PCDH15: variants seen among roughly 807,000 people sequenced by gnomAD.
PCDH15 encodes the protein protocadherin-15.
In PCDH15, 129 loss-of-function variants were observed where a neutral mutation model predicts 178.5. The observed-to-expected ratio is 0.72, with a 90% CI of 0.63 to 0.84. The LOEUF is 0.84. Ranked by LOEUF, PCDH15 falls within the 40% of genes least tolerant of loss-of-function variation. The pLI is 0.00. For synonymous variants in PCDH15, 800 were observed against 732.0 expected (o/e 1.09, Z -1.50); for missense variants, 2,230 against 2,099.9 (o/e 1.06, Z -1.21).
chr10:53,837,758 C>T (rs1188879121), intron 29 of PCDH15, among the ~76,000 whole-genome samples: 1 of 151,800 alleles, frequency 6.6e-6, no homozygotes, highest in East Asian at 1.9e-4. Context: ...AAAACACACA[C>T]ACACACACAC....
intron 3 of PCDH15, among the ~76,000 whole-genome samples, chr10:54,883,571 C>T (rs1179783495): frequency 6.6e-6 from 1 of 151,756 alleles, no homozygotes; most frequent in Admixed American, 6.6e-5. Flanking sequence ...AACAATTCAC[C>T]TTCATATTTA....
chr10:54,336,690 G>A (rs1023387214), intron 6 of PCDH15, among the ~76,000 whole-genome samples: 3 of 152,200 alleles, frequency 2.0e-5, no homozygotes, highest in African/African-American at 7.2e-5. Flanking sequence ...TTTGCTGAAG[G>A]GGCAGGGCCC....
intron 26 of PCDH15, among the ~76,000 whole-genome samples, chr10:53,889,192 C>T (rs35182870): frequency 0.085 from 12,912 of 151,782 alleles, 601 homozygotes; most frequent in East Asian, 0.13. Flanking sequence ...CAAAAAGTTG[C>T]TCAACATGAA....
chr10:54,708,512 T>G (rs1321052479), intron 1 of PCDH15, among the ~76,000 whole-genome samples: 1 of 152,192 alleles, frequency 6.6e-6, no homozygotes, highest in Non-Finnish European at 1.5e-5. Context: ...TGATTAGACA[T>G]TATATTACAT....
At chr10:54,092,668 C>T (rs1009686341) in intron 15 of PCDH15, among the ~76,000 whole-genome samples, 5 of 151,942 alleles carry the variant, frequency 3.3e-5, no homozygotes, top group South Asian at 2.1e-4. Flanking sequence ...GGATAGTAGA[C>T]GCTTGATATT....
Position 54,776,201 on chromosome 10 carries a change from C to A in PCDH15, c.-29+24724G>T, listed in dbSNP as rs571477712. Among the ~76,000 whole-genome samples the A allele has an allele frequency of 3.7e-3, 557 of 152,200 alleles. 2 individuals carry two copies. The highest frequency in any genetic ancestry group is 0.013 in the African/African-American group (534 of 41,532). ...ATAGACATTTAGGTTGATTCCATACCATGACAATCACGAATAGTGCTGCAA... is the reference window on the plus strand; with the variant it reads ...ATAGACATTTAGGTTGATTCCATACAATGACAATCACGAATAGTGCTGCAA... On this transcript the variant is annotated intron_variant, in intron 1 of 37. Transcript: ENST00000644397.
chr10:55,303,390 G>A (rs896755241), intron 1 of PCDH15, among the ~76,000 whole-genome samples: 1 of 152,228 alleles, frequency 6.6e-6, no homozygotes, highest in South Asian at 2.1e-4. Context: ...ACTAAGAGAT[G>A]CCCTAAGTTA....
At chr10:55,531,316 T>C (rs1411871057) in intron 2 of PCDH15, among the ~76,000 whole-genome samples, 1 of 151,982 alleles carries the variant, frequency 6.6e-6, no homozygotes, top group Non-Finnish European at 1.5e-5. Context: ...ATCTATCTTA[T>C]ATCAAATCTA....
At chr10:55,218,491 T>A (rs1279210820) in intron 1 of PCDH15, among the ~76,000 whole-genome samples, 1 of 152,020 alleles carries the variant, frequency 6.6e-6, no homozygotes. Flanking sequence ...GCTCTTGCCT[T>A]TGGTCTGGAG....
intron 10 of PCDH15, among the ~76,000 whole-genome samples, chr10:54,200,829 T>G (rs1013528070): frequency 1.3e-5 from 2 of 152,172 alleles, no homozygotes; most frequent in Non-Finnish European, 2.9e-5. Flanking sequence ...TTATTCATCT[T>G]TTCTTTATAC....
intron 8 of PCDH15, among the ~76,000 whole-genome samples, chr10:54,294,307 C>T (rs371409782): frequency 3.0e-4 from 45 of 150,698 alleles, no homozygotes; most frequent in African/African-American, 1.0e-3. Flanking sequence ...CACACTGGGG[C>T]CTGTCAGAGG....
chr10:54,562,725 C>G (rs2088378606), intron 2 of PCDH15, among the ~76,000 whole-genome samples: 1 of 152,038 alleles, frequency 6.6e-6, no homozygotes, highest in African/African-American at 2.4e-5. Flanking sequence ...GATATACAGA[C>G]AGAAAGACAG....
intron 15 of PCDH15, among the ~76,000 whole-genome samples, chr10:54,101,209 A>G (rs1420376252): frequency 6.6e-6 from 1 of 152,210 alleles, no homozygotes; most frequent in Non-Finnish European, 1.5e-5. Flanking sequence ...CATGTGAGAC[A>G]TGCCTTTCAC....
At chr10:54,704,645 C>T (rs2095347531) in intron 1 of PCDH15, among the ~76,000 whole-genome samples, 1 of 152,024 alleles carries the variant, frequency 6.6e-6, no homozygotes, top group African/African-American at 2.4e-5. Flanking sequence ...TTACATCAAT[C>T]AGAATGGTTA....
chr10:54,167,458 C>T (rs2133548991), intron 13 of PCDH15, among the ~76,000 whole-genome samples: 1 of 152,270 alleles, frequency 6.6e-6, no homozygotes, highest in Admixed American at 6.5e-5. Flanking sequence ...ACAGGGAAGG[C>T]AGCCTTCCCT....
chr10:54,441,327 C>T (rs747582890), intron 3 of PCDH15, among the ~76,000 whole-genome samples: 1 of 151,900 alleles, frequency 6.6e-6, no homozygotes, highest in Non-Finnish European at 1.5e-5. Context: ...CATGAGACTG[C>T]TGGAACTGCT....
At chr10:55,520,314 T>A (rs1363839405) in intron 2 of PCDH15, among the ~76,000 whole-genome samples, 1 of 48,470 alleles carries the variant, frequency 2.1e-5, no homozygotes, top group African/African-American at 8.0e-5. Context: ...TATATATATA[T>A]ACATGCAATG....
intron 1 of PCDH15, among the ~76,000 whole-genome samples, chr10:55,292,519 T>A (rs980345539): frequency 2.0e-5 from 3 of 152,022 alleles, no homozygotes; most frequent in Non-Finnish European, 4.4e-5. Context: ...GTAGCTGATA[T>A]AACAGGTGCT....
At chr10:55,075,497 C>G (rs1841865951) in intron 2 of PCDH15, among the ~76,000 whole-genome samples, 1 of 151,780 alleles carries the variant, frequency 6.6e-6, no homozygotes, top group Non-Finnish European at 1.5e-5. Flanking sequence ...TCCCAAATAG[C>G]TGGGATTACA....
Sources: allele counts gnomAD v4.1 joint callset (sites outside exome capture counted in the v4.1 genomes callset), GRCh38; gene constraint gnomAD v4.1.1; transcripts MANE v1.5; gene names NCBI Gene and HGNC (gene_info 2026-07-23, HGNC 2026-07-21).